HDAC9: variants seen among roughly 807,000 people sequenced by gnomAD.
HDAC9 encodes MEF-2 interacting transcription repressor (MITR) protein.
A neutral mutation model predicts 139.4 loss-of-function variants in HDAC9; 41 were observed. That is an observed-to-expected ratio of 0.29 (90% confidence interval 0.23 to 0.38). The LOEUF (loss-of-function observed/expected upper bound fraction) is 0.38, where lower values mean the gene tolerates loss of function less well. Among genes scored for constraint, HDAC9 ranks in the 10% least tolerant of loss-of-function variants. The pLI, the probability that HDAC9 is intolerant of heterozygous loss-of-function variation, is 1.00. For synonymous variants in HDAC9, 517 were observed against 476.2 expected (o/e 1.09, Z -1.12); for missense variants, 1,147 against 1,297.0 (o/e 0.88, Z 1.78).
chr7:18,316,490 A>C (rs577288051), intron 1 of HDAC9, among the ~76,000 whole-genome samples: 2 of 152,174 alleles, frequency 1.3e-5, no homozygotes, highest in South Asian at 4.2e-4. Flanking sequence ...CTTTGGAATA[A>C]GATTCCATTA....
rs184440314 is a variant in HDAC9 at position 18,895,135 on chromosome 7, T to G, written c.2803+20539T>G. On this transcript the variant is annotated intron_variant, in intron 22 of 25. Transcript: ENST00000686413. ...GCTTAGAACAACTTATGAGCCCATG[T>G]AAATTTCACATATAACTTTAAAGTG... 3.5e-4 allele frequency among the ~76,000 whole-genome samples: 54 copies of G among 152,238 alleles called. No homozygotes were observed. The East Asian group carries it at 0.01, about 29-fold the overall frequency.
chr7:18,190,230 C>T (rs1323649754), intron 2 of HDAC9, among the ~76,000 whole-genome samples: 1 of 152,194 alleles, frequency 6.6e-6, no homozygotes, highest in South Asian at 2.1e-4. Flanking sequence ...CAGGCGTGAG[C>T]CACCACGCCC....
intron 23 of HDAC9, among the ~76,000 whole-genome samples, chr7:18,937,504 A>C (rs1384768086): frequency 1.3e-5 from 2 of 152,156 alleles, no homozygotes; most frequent in Non-Finnish European, 2.9e-5. Flanking sequence ...GTCAAACAGG[A>C]TGTTGAGTGT....
intron 2 of HDAC9, among the ~76,000 whole-genome samples, chr7:18,210,164 A>T (rs896098489): frequency 6.6e-6 from 1 of 152,184 alleles, no homozygotes; most frequent in Non-Finnish European, 1.5e-5. Context: ...TTGGGCATTT[A>T]TTGGGTACCT....
In HDAC9 at chr7:18,480,321, G is replaced by A. The variant is rs1443190659; in HGVS notation, c.-41-15941G>A. On this transcript the variant is annotated intron_variant, in intron 1 of 3. Transcript: ENST00000413509. ...GTGCTGTGTGGTCAAGATTGAGTCC[G>A]AATCTATGTTTTTTCTCCTAGCACC... Among the ~76,000 whole-genome samples, 5 of 152,222 alleles carry A rather than the reference G, an allele frequency of 3.3e-5. No individual in the cohort carries two copies. In the East Asian group the frequency reaches 7.7e-4, roughly 24 times the overall value.
chr7:18,443,656 T>G lies in HDAC9; in HGVS notation c.-41-52606T>G, dbSNP rs888564733. Among the ~76,000 whole-genome samples, 15 of 152,148 alleles carry G rather than the reference T, an allele frequency of 9.9e-5. 1 individual carries two copies. The highest frequency in any genetic ancestry group is 3.6e-4 in the African/African-American group (15 of 41,432). On this transcript the variant is annotated intron_variant, in intron 1 of 3. Coordinates refer to the HDAC9 transcript ENST00000413509. The stretch of plus-strand genomic sequence containing the variant: ...AATATTTGGTTTAAAACTAAATATT[T>G]AACTCTTTGTGTTAAATAGCAGAGT...
At chr7:18,387,966 C>T (rs1355174413) in intron 1 of HDAC9, among the ~76,000 whole-genome samples, 1 of 151,656 alleles carries the variant, frequency 6.6e-6, no homozygotes, top group African/African-American at 2.4e-5. Context: ...AAAAAGCTTT[C>T]CATTCACGTT....
intron 25 of HDAC9, among the ~76,000 whole-genome samples, chr7:18,992,225 T>G (rs1178395220): frequency 6.6e-6 from 1 of 152,174 alleles, no homozygotes; most frequent in African/African-American, 2.4e-5. Flanking sequence ...TTATTCATGG[T>G]GAATAGAGAG....
chr7:18,488,933 A>C (rs992971614), intron 1 of HDAC9, among the ~76,000 whole-genome samples: 1 of 152,074 alleles, frequency 6.6e-6, no homozygotes. Context: ...ATTAAACTGC[A>C]CTTGCTTTCA....
intron 1 of HDAC9, among the ~76,000 whole-genome samples, chr7:18,377,479 T>A (rs1314895677): frequency 6.6e-6 from 1 of 152,256 alleles, no homozygotes; most frequent in Non-Finnish European, 1.5e-5. Flanking sequence ...TAGGAAGATT[T>A]CTTCTTTTTT....
rs559379231 is a variant in HDAC9 at position 18,776,145 on chromosome 7, G to A, written c.2214+8990G>A. Among the ~76,000 whole-genome samples, 14 of 152,058 alleles carry A rather than the reference G, an allele frequency of 9.2e-5. No homozygotes were observed. The South Asian group carries it at 1.0e-3, about 11-fold the overall frequency. On this transcript the variant is annotated intron_variant, in intron 16 of 25. Transcript: ENST00000686413. The stretch of plus-strand genomic sequence containing the variant: ...TTTTGTAGAGATGTGGTCTCACTAC[G>A]TTGCTCTGGCTAGTCTCAAACTCCC...
At chr7:18,108,810 CAG>C (rs1261659211) in intron 1 of HDAC9, among the ~76,000 whole-genome samples, 3 of 151,912 alleles carry the variant, frequency 2.0e-5, no homozygotes, top group Non-Finnish European at 4.4e-5. Context: ...TTAGTAGAGA[CAG>C]AGTTTCACCA....
intron 2 of HDAC9, among the ~76,000 whole-genome samples, chr7:18,539,667 TTTGTTGTTG>T (rs371576433): frequency 9.9e-5 from 15 of 151,644 alleles, no homozygotes; most frequent in African/African-American, 2.2e-4. Context: ...AAACAAAAAG[TTTGTTGTTG>T]TTGTTGTTGT....
At chr7:18,090,187 A>G (rs1782055196) in intron 1 of HDAC9, among the ~76,000 whole-genome samples, 2 of 152,218 alleles carry the variant, frequency 1.3e-5, no homozygotes, top group Non-Finnish European at 2.9e-5. Flanking sequence ...ACGTTACACC[A>G]TAGTGAATCA....
At chr7:18,184,878 G>T (rs1313358037) in intron 2 of HDAC9, among the ~76,000 whole-genome samples, 1 of 152,068 alleles carries the variant, frequency 6.6e-6, no homozygotes, top group Non-Finnish European at 1.5e-5. Flanking sequence ...TAAAATTTAT[G>T]ATTTACACCT....
At chr7:18,532,764 C>G (rs1395890576) in intron 2 of HDAC9, among the ~76,000 whole-genome samples, 1 of 151,384 alleles carries the variant, frequency 6.6e-6, no homozygotes, top group Non-Finnish European at 1.5e-5. Flanking sequence ...TGCCTCTCCC[C>G]AATCCTCCTT....
intron 12 of HDAC9, among the ~76,000 whole-genome samples, chr7:18,689,707 G>A (rs572211448): frequency 3.3e-5 from 5 of 151,824 alleles, no homozygotes; most frequent in South Asian, 2.1e-4. Flanking sequence ...TTGGGCTTAC[G>A]GCCATTAGGA....
At chr7:18,979,304 G>A (rs1282531347) in intron 25 of HDAC9, among the ~76,000 whole-genome samples, 1 of 151,932 alleles carries the variant, frequency 6.6e-6, no homozygotes, top group Non-Finnish European at 1.5e-5. Context: ...CCATTTTCCT[G>A]AATCTTAAGA....
chr7:18,721,815 C>A (rs1785166829), intron 12 of HDAC9, among the ~76,000 whole-genome samples: 1 of 152,092 alleles, frequency 6.6e-6, no homozygotes, highest in Non-Finnish European at 1.5e-5. Context: ...AACTCAGGGA[C>A]CTTAGCACTT....
Sources: allele counts gnomAD v4.1 joint callset (sites outside exome capture counted in the v4.1 genomes callset), GRCh38; gene constraint gnomAD v4.1.1; transcripts MANE v1.5; gene names NCBI Gene and HGNC (gene_info 2026-07-23, HGNC 2026-07-21).